The following SLC24A4 variants were observed in gnomAD, a reference collection of about 807,000 sequenced individuals.
The protein encoded by SLC24A4 is solute carrier family 24 member 4.
In SLC24A4, 53 loss-of-function variants were observed where a neutral mutation model predicts 79.0. The ratio of observed to expected loss-of-function variants is 0.67; its 90% CI spans 0.54 to 0.84. The LOEUF (loss-of-function observed/expected upper bound fraction) is 0.84, where lower values mean the gene tolerates loss of function less well. Ranked by LOEUF, SLC24A4 falls within the 40% of genes least tolerant of loss-of-function variation. SLC24A4 has a pLI of 0.00. For missense variants in SLC24A4, 731 were observed against 822.0 expected (o/e 0.89, Z 1.35); for synonymous variants, 323 against 323.8 (o/e 1.00, Z 0.03).
In SLC24A4 at chr14:92,438,742, A is replaced by T. The variant is rs148703305; in HGVS notation, c.319-593A>T. 1.6e-3 allele frequency among the ~76,000 whole-genome samples: 249 copies of T among 152,308 alleles called. 1 individual carries two copies. Among genetic ancestry groups the T allele is most frequent in the African/African-American group, 5.5e-3 (227 of 41,576 alleles). ...GCCTCCATGTGTTCAGCTATCAGGGAAACTCCTTAAGCTCTATCCTTTAGG... is the reference window on the plus strand; with the variant it reads ...GCCTCCATGTGTTCAGCTATCAGGGTAACTCCTTAAGCTCTATCCTTTAGG... On this transcript the variant is annotated intron_variant, in intron 3 of 16. Transcript: ENST00000532405.
intron 2 of SLC24A4, among the ~76,000 whole-genome samples, chr14:92,331,048 G>A (rs536630756): frequency 2.0e-5 from 3 of 152,272 alleles, no homozygotes; most frequent in South Asian, 2.1e-4. Context: ...ACAGATTCCT[G>A]GGCCCAGCCC....
At chr14:92,455,892 G>C (rs1425211669) in intron 11 of SLC24A4, among the ~76,000 whole-genome samples, 1 of 152,088 alleles carries the variant, frequency 6.6e-6, no homozygotes, top group Non-Finnish European at 1.5e-5. Flanking sequence ...GTAGAGACAG[G>C]GTTTCACCAT....
At chr14:92,424,288 T>A (rs1034011515) in intron 2 of SLC24A4, among the ~76,000 whole-genome samples, 2 of 152,200 alleles carry the variant, frequency 1.3e-5, no homozygotes, top group Non-Finnish European at 2.9e-5. Flanking sequence ...AAGGGTTAAA[T>A]AAGGTCATAA....
At chr14:92,463,247 G>T (rs1454062412) in intron 12 of SLC24A4, among the ~76,000 whole-genome samples, 1 of 152,162 alleles carries the variant, frequency 6.6e-6, no homozygotes, top group Non-Finnish European at 1.5e-5. Context: ...TACCGGTGGG[G>T]AGGAGAGAGG....
chr14:92,490,315 G>A lies in SLC24A4; in HGVS notation c.1538-1350G>A, dbSNP rs1228980251. On this transcript the variant is annotated intron_variant, in intron 14 of 16. Coordinates refer to ENST00000532405, the MANE Select transcript of SLC24A4 (RefSeq NM_153646.4). The surrounding 1 kb of genome is among the most constrained non-coding windows in gnomAD (Gnocchi z 4.3). ...GGTTAGGGCAGATTCCAGCCAGTAC[G>A]AGTCTTACTTACAAAAGTTTGCTTT... Among the ~76,000 whole-genome samples, 2 of 152,080 alleles carry A rather than the reference G, an allele frequency of 1.3e-5. No individual in the cohort carries two copies. Among genetic ancestry groups the A allele is most frequent in the Admixed American group, 6.5e-5 (1 of 15,284 alleles).
At position 92,441,649 on chromosome 14, in the gene SLC24A4, G is replaced by A. The variant is rs8018746; in HGVS notation, c.394-440G>A. Among the ~76,000 whole-genome samples, 38,912 of 152,210 alleles carry A rather than the reference G, an allele frequency of 0.26. 5,839 individuals are homozygous for A. Among genetic ancestry groups the A allele is most frequent in the East Asian group, 0.53 (2,761 of 5,164 alleles). On this transcript the variant is annotated intron_variant, in intron 4 of 16. Coordinates refer to ENST00000532405, the MANE Select transcript of SLC24A4 (RefSeq NM_153646.4). The surrounding 1 kb of genome is among the most constrained non-coding windows in gnomAD (Gnocchi z 4.6). The stretch of plus-strand genomic sequence containing the variant: ...AGACCCTGTTCTAGGCACCAGGGAT[G>A]CAAAGTTGGGAAAGACCAGTTGCTG...
At chr14:92,357,106 G>A (rs973499348) in intron 2 of SLC24A4, among the ~76,000 whole-genome samples, 3 of 152,232 alleles carry the variant, frequency 2.0e-5, no homozygotes, top group Non-Finnish European at 4.4e-5. Context: ...TTATTTCCCC[G>A]TTTCTTGAGA....
intron 2 of SLC24A4, among the ~76,000 whole-genome samples, chr14:92,370,501 T>C (rs1309639345): frequency 6.6e-6 from 1 of 152,006 alleles, no homozygotes; most frequent in Non-Finnish European, 1.5e-5. Context: ...ACTGCATTTA[T>C]TCACTCACTC....
At chr14:92,395,334 T>C (rs1482565251) in intron 2 of SLC24A4, among the ~76,000 whole-genome samples, 3 of 151,824 alleles carry the variant, frequency 2.0e-5, no homozygotes, top group African/African-American at 7.3e-5. Flanking sequence ...ACAGAAAGCC[T>C]CTCTAGCAGC....
At chr14:92,477,382 A>C (rs909178251) in intron 12 of SLC24A4, among the ~76,000 whole-genome samples, 2 of 152,092 alleles carry the variant, frequency 1.3e-5, no homozygotes, top group East Asian at 3.8e-4. Flanking sequence ...CCCTTATCAG[A>C]TATATTATTT....
intron 2 of SLC24A4, among the ~76,000 whole-genome samples, chr14:92,363,786 C>T (rs1447467456): frequency 6.6e-6 from 1 of 151,772 alleles, no homozygotes; most frequent in Non-Finnish European, 1.5e-5. Context: ...GCTGAGATCG[C>T]GCCACTGTAC....
intron 12 of SLC24A4, among the ~76,000 whole-genome samples, chr14:92,465,820 T>C (rs1190426584): frequency 6.6e-6 from 1 of 152,006 alleles, no homozygotes; most frequent in Non-Finnish European, 1.5e-5. Context: ...GCCTTTGGTC[T>C]CTCTGCACCA....
intron 3 of SLC24A4, among the ~76,000 whole-genome samples, chr14:92,435,258 C>T (rs986630379): frequency 4.6e-5 from 7 of 152,148 alleles, no homozygotes; most frequent in African/African-American, 1.7e-4. Context: ...GGGTTCAAAC[C>T]TAAGTTACAA....
chr14:92,427,014 C>G (rs981972162), intron 2 of SLC24A4, among the ~76,000 whole-genome samples: 3 of 152,168 alleles, frequency 2.0e-5, no homozygotes, highest in Non-Finnish European at 4.4e-5. Flanking sequence ...AAATTCAATT[C>G]ACAGTTTACA....
intron 12 of SLC24A4, among the ~76,000 whole-genome samples, chr14:92,458,776 C>T (rs923463428): frequency 6.6e-6 from 1 of 152,194 alleles, no homozygotes; most frequent in Non-Finnish European, 1.5e-5. Flanking sequence ...CCTCCTGTGT[C>T]CACGTGGGGC....
At chr14:92,449,433 A>C (rs1252056417) in intron 10 of SLC24A4, among the ~76,000 whole-genome samples, 2 of 152,094 alleles carry the variant, frequency 1.3e-5, no homozygotes, top group African/African-American at 4.8e-5. Flanking sequence ...TAGGTGGGGC[A>C]GGGGTGGAGG....
chr14:92,436,019 A>G (rs1420469404), intron 3 of SLC24A4, among the ~76,000 whole-genome samples: 1 of 152,232 alleles, frequency 6.6e-6, no homozygotes, highest in Non-Finnish European at 1.5e-5. Flanking sequence ...TTACCAAGCT[A>G]TGGCTGGAGA....
intron 2 of SLC24A4, among the ~76,000 whole-genome samples, chr14:92,360,988 C>T (rs1402307349): frequency 3.3e-5 from 5 of 152,188 alleles, no homozygotes; most frequent in Admixed American, 6.5e-5. Context: ...TTTAAATGCA[C>T]GTTTGAAATG....
At position 92,422,964 on chromosome 14, in the gene SLC24A4, C is replaced by G. The variant is rs112537834; in HGVS notation, c.242-10948C>G. The stretch of plus-strand genomic sequence containing the variant: ...GAGTTTAGCTCACAGGCATGCACCA[C>G]CATGCCCAGATAATTTTTGTATTTT... On this transcript the variant is annotated intron_variant, in intron 2 of 16. Transcript: ENST00000532405. 2.7e-3 allele frequency among the ~76,000 whole-genome samples: 405 copies of G among 152,144 alleles called. 7 individuals carry two copies. The East Asian group carries it at 0.034, about 13-fold the overall frequency.
Sources: allele counts gnomAD v4.1 joint callset (sites outside exome capture counted in the v4.1 genomes callset), GRCh38; gene constraint gnomAD v4.1.1; non-coding constraint Gnocchi (gnomAD v3.1); transcripts MANE v1.5; gene names NCBI Gene and HGNC (gene_info 2026-07-23, HGNC 2026-07-21).